Variants in CCDC27 observed in about 807,000 individuals in gnomAD.
CCDC27 encodes coiled-coil domain-containing protein 27.
In CCDC27, 80 loss-of-function variants were observed where a neutral mutation model predicts 80.3. That is an observed-to-expected ratio of 1.00 (90% CI 0.83 to 1.20). The LOEUF (loss-of-function observed/expected upper bound fraction) is 1.20. Among genes scored for constraint, CCDC27 ranks in the 50% most tolerant of loss-of-function variants. The probability of loss-of-function intolerance (pLI) is 0.00; values close to 1 mark genes in which losing one functional copy is unlikely to be tolerated. For missense variants in CCDC27, 815 were observed against 809.4 expected (o/e 1.01, Z -0.08); for synonymous variants, 342 against 334.3 (o/e 1.02, Z -0.25).
chr1:3,767,521 A>G (rs1173024440), intron 10 of CCDC27, 76 bp downstream of exon 10: 5 of 1,340,776 alleles, frequency 3.7e-6, no homozygotes, highest in Non-Finnish European at 5.1e-6. Context: ...CCCACCGCCC[A>G]CCGAGGTAGA....
At position 3,763,251 on chromosome 1, in the gene CCDC27, T is replaced by A; in HGVS notation, c.1098T>A (p.His366Gln). The A allele has an allele frequency of 1.3e-6, 2 of 1,569,878 alleles. No individual in the cohort carries two copies. The highest frequency in any genetic ancestry group is 1.7e-6 in the Non-Finnish European group (2 of 1,157,206). Residue 366 changes from histidine to glutamine, a missense_variant, in exon 7 of 12, where the codon CAT (histidine) becomes CAA (glutamine). By Grantham distance (24) the His-to-Gln change is conservative. Coordinates refer to ENST00000294600, the MANE Select transcript of CCDC27 (RefSeq NM_152492.3). This position sits in a 1 kb window ranked among gnomAD's most constrained non-coding sequence, Gnocchi z 7.5. ...GTGTGAGCCAGATGGGATCCGTGCATGAGGAGGGAAGCGAGGAGGAGGAAG... is the reference window on the plus strand; with the variant it reads ...GTGTGAGCCAGATGGGATCCGTGCAAGAGGAGGGAAGCGAGGAGGAGGAAG... Reference protein sequence around the residue: ...WGGVSQMGSVHEEGSEEEEEE... With the variant: ...WGGVSQMGSVQEEGSEEEEEE...
At position 3,763,890 on chromosome 1, in the gene CCDC27, C is replaced by T. The variant is rs1643160923; in HGVS notation, c.1452+54C>T. On this transcript the variant is annotated intron_variant, in intron 8 of 11. Transcript: ENST00000294600. The surrounding 1 kb of genome is among the most constrained non-coding windows in gnomAD (Gnocchi z 7.5). ...CTCCATGAGCATGGGCCCCAGGCTT[C>T]ATTAACCCCCGGCAGCTCGGGGCAG... 1 of 1,594,132 alleles carries T rather than the reference C, an allele frequency of 6.3e-7. No homozygotes were observed. Among genetic ancestry groups the T allele is most frequent in the South Asian group, 1.1e-5 (1 of 89,650 alleles).
chr1:3,753,320 CTTT>C (rs71580220), intron 1 of CCDC27, among the ~76,000 whole-genome samples: 19 of 94,986 alleles, frequency 2.0e-4, no homozygotes, highest in African/African-American at 3.7e-4. Context: ...TTTTCTTTTT[CTTT>C]TTTTTTTTTT....
intron 4 of CCDC27, among the ~76,000 whole-genome samples, chr1:3,759,513 C>T (rs12128669): frequency 0.2 from 29,944 of 152,138 alleles, 3,329 homozygotes; most frequent in Admixed American, 0.25. Flanking sequence ...CTCTTAGAAT[C>T]AGCTTTAGAT....
rs1417761213 is a variant in CCDC27, at chr1:3,767,278, A to G, written c.1576A>G (p.Ile526Val). ...ERKLTKRDCV[I>V]SELDTKVSQL... ...AAAGCTCACCAAGCGGGACTGTGTC[A>G]TCTCAGAGTTGGACACCAAGGTCAG... is the stretch of plus-strand genomic sequence containing the variant. Residue 526 changes from isoleucine (I) to valine (V), a missense_variant, in exon 10 of 12, where the codon ATC becomes GTC. By Grantham distance (29) the Ile-to-Val change is conservative. Coordinates refer to ENST00000294600, the MANE Select transcript of CCDC27 (RefSeq NM_152492.3). 2 of 1,614,080 alleles carry G rather than the reference A, an allele frequency of 1.2e-6. No individual in the cohort carries two copies. The highest frequency in any genetic ancestry group is 1.1e-5 in the South Asian group (1 of 91,088).
At chr1:3,754,319 T>C (rs1042216587) in intron 2 of CCDC27, 78 bp downstream of exon 2, 8 of 1,460,248 alleles carry the variant, frequency 5.5e-6, no homozygotes, top group Non-Finnish European at 7.2e-6. Context: ...CCTGCACCCT[T>C]CAGCCTGCGA....
At chr1:3,770,819 GAA>G (rs1643341817) in intron 11 of CCDC27, among the ~76,000 whole-genome samples, 1 of 129,708 alleles carries the variant, frequency 7.7e-6, no homozygotes, top group Non-Finnish European at 1.6e-5. Context: ...GAAGGGGAGA[GAA>G]AGAGGAAGAG....
intron 2 of CCDC27, among the ~76,000 whole-genome samples, chr1:3,754,645 C>A (rs1642909774): frequency 6.6e-6 from 1 of 152,156 alleles, no homozygotes; most frequent in Non-Finnish European, 1.5e-5. Context: ...GGTCCAAACC[C>A]TTCACTGCTC....
chr1:3,764,194 C>G (rs1643172294), intron 8 of CCDC27, among the ~76,000 whole-genome samples: 1 of 152,214 alleles, frequency 6.6e-6, no homozygotes, highest in African/African-American at 2.4e-5. Flanking sequence ...ACTGCTACTC[C>G]ACTGAGCCCA....
chr1:3,758,235 G>A (rs1055752060), intron 4 of CCDC27, among the ~76,000 whole-genome samples: 8 of 152,234 alleles, frequency 5.3e-5, no homozygotes, highest in African/African-American at 1.7e-4. Context: ...CTGTTGCCAG[G>A]CTGGAGTGCA....
rs571323130 is a variant in CCDC27, at chr1:3,763,033, G to A, written c.955-75G>A. The A allele has an allele frequency of 1.8e-5, 26 of 1,426,100 alleles. No individual in the cohort carries two copies. The highest frequency in any genetic ancestry group is 1.0e-4 in the East Asian group (4 of 39,220). 88.3% of individuals were successfully genotyped at this position (1,426,100 alleles called of 1,614,324 possible). ...AGGAGGCGCCCTCCCCGGTGCCCCC[G>A]CCATGAGCATTAGAGCCCTCTGCCC... On this transcript the variant is annotated intron_variant, in intron 6 of 11. Coordinates refer to ENST00000294600, the MANE Select transcript of CCDC27 (RefSeq NM_152492.3). The surrounding 1 kb of genome is among the most constrained non-coding windows in gnomAD (Gnocchi z 7.5).
chr1:3,767,511 C>T (rs560674124), intron 10 of CCDC27, 66 bp downstream of exon 10: 6 of 1,387,032 alleles, frequency 4.3e-6, no homozygotes, highest in South Asian at 4.1e-5. Context: ...CAGGCCTCTG[C>T]CCACCGCCCA....
intron 3 of CCDC27, chr1:3,756,233 T>A (rs1160395502): frequency 3.2e-5 from 5 of 153,904 alleles, no homozygotes; most frequent in African/African-American, 9.7e-5. Flanking sequence ...CCCAGCTACT[T>A]GGGAGGCTGA....
In CCDC27 at chr1:3,768,146, G is replaced by C. The variant is rs889833904; in HGVS notation, c.1743+701G>C. Among the ~76,000 whole-genome samples, 1 of 147,650 alleles carries C rather than the reference G, an allele frequency of 6.8e-6. No individual in the cohort carries two copies. Among genetic ancestry groups the C allele is most frequent in the East Asian group, 2.0e-4 (1 of 4,990 alleles). On this transcript the variant is annotated intron_variant, in intron 10 of 11. Coordinates refer to ENST00000294600, the MANE Select transcript of CCDC27 (RefSeq NM_152492.3). The surrounding 1 kb of genome is among the most constrained non-coding windows in gnomAD (Gnocchi z 5.6). ...GTCTTTCTCTGTCATCCAGTCTGGA[G>C]TGCAGTGGGGTGATAACAGCTCACT...
At position 3,761,601 on chromosome 1, in the gene CCDC27, G is replaced by T. The variant is rs1373270959; in HGVS notation, c.861+171G>T. Among the ~76,000 whole-genome samples the T allele has an allele frequency of 2.6e-5, 4 of 152,200 alleles. No individual in the cohort carries two copies. The highest frequency in any genetic ancestry group is 5.9e-5 in the Non-Finnish European group (4 of 68,034). ...TCAGGGTTCTGATCAACAGGCAGGG[G>T]AGAGGCGAACAGAGGCACGAAATGA... is the stretch of plus-strand genomic sequence containing the variant. On this transcript the variant is annotated intron_variant, in intron 5 of 11. Transcript: ENST00000294600. This position sits in a 1 kb window ranked among gnomAD's most constrained non-coding sequence, Gnocchi z 5.0.
chr1:3,753,875 G>A, intron 1 of CCDC27, among the ~76,000 whole-genome samples: 1 of 152,100 alleles, frequency 6.6e-6, no homozygotes, highest in Non-Finnish European at 1.5e-5. Flanking sequence ...GCTTCAGGAT[G>A]CCTAAGAAGC....
rs533071401 is a variant in CCDC27, at chr1:3,768,784, C to T, written c.1744-999C>T. Among the ~76,000 whole-genome samples, 3 of 152,264 alleles carry T rather than the reference C, an allele frequency of 2.0e-5. No homozygotes were observed. The highest frequency in any genetic ancestry group is 1.9e-4 in the East Asian group (1 of 5,184). On this transcript the variant is annotated intron_variant, in intron 10 of 11. Transcript: ENST00000294600. This position sits in a 1 kb window ranked among gnomAD's most constrained non-coding sequence, Gnocchi z 5.6. Reference sequence around the variant, plus strand: ...TGTGGGGAAGTGAGGCTGGACACCCCGGGTAGCTGCCAACCTCTACCCTGG... The same window carrying T: ...TGTGGGGAAGTGAGGCTGGACACCCTGGGTAGCTGCCAACCTCTACCCTGG...
chr1:3,762,232 C>G (rs545598381), intron 5 of CCDC27, among the ~76,000 whole-genome samples: 1 of 152,112 alleles, frequency 6.6e-6, no homozygotes, highest in Non-Finnish European at 1.5e-5. Flanking sequence ...ACACACAGGG[C>G]GGGGGCAGGG....
chr1:3,763,034 C>T lies in CCDC27; in HGVS notation c.955-74C>T. 1 of 1,428,966 alleles carries T rather than the reference C, an allele frequency of 7.0e-7. No homozygotes were observed. Among genetic ancestry groups the T allele is most frequent in the Non-Finnish European group, 9.2e-7 (1 of 1,089,292 alleles). The allele number at this position is 1,428,966 out of a possible 1,614,324, so 88.5% of individuals were successfully genotyped here. On this transcript the variant is annotated intron_variant, in intron 6 of 11. Transcript: ENST00000294600. The surrounding 1 kb of genome is among the most constrained non-coding windows in gnomAD (Gnocchi z 7.5). ...GGAGGCGCCCTCCCCGGTGCCCCCG[C>T]CATGAGCATTAGAGCCCTCTGCCCT...
Sources: allele counts gnomAD v4.1 joint callset (sites outside exome capture counted in the v4.1 genomes callset), GRCh38; gene constraint gnomAD v4.1.1; non-coding constraint Gnocchi (gnomAD v3.1); transcripts MANE v1.5; gene names NCBI Gene and HGNC (gene_info 2026-07-23, HGNC 2026-07-21).